CELSR1: variants seen among roughly 807,000 people sequenced by gnomAD.
CELSR1 encodes cadherin EGF LAG seven-pass G-type receptor 1.
In CELSR1, 110 loss-of-function variants were observed where a neutral mutation model predicts 249.1. The observed-to-expected ratio is 0.44, with a 90% CI of 0.38 to 0.52. CELSR1 has a LOEUF of 0.52. Among genes scored for constraint, CELSR1 ranks in the 20% least tolerant of loss-of-function variants. The pLI is 0.00. For synonymous variants in CELSR1, 2,113 were observed against 1,900.0 expected (o/e 1.11, Z -2.92); for missense variants, 4,109 against 4,296.4 (o/e 0.96, Z 1.22).
chr22:46,404,867 C>T (rs2079248617), intron 9 of CELSR1, among the ~76,000 whole-genome samples: 2 of 152,258 alleles, frequency 1.3e-5, no homozygotes, highest in East Asian at 3.9e-4. Flanking sequence ...TCTTGTTACC[C>T]AGGCTGGAGT....
At position 46,500,189 on chromosome 22, in the gene CELSR1, AG is replaced by A. The variant is rs1175636548; in HGVS notation, c.3544+33437del. On this transcript the variant is annotated intron_variant, in intron 1 of 34. Coordinates refer to ENST00000674500, the MANE Select transcript of CELSR1 (RefSeq NM_001378328.1). The surrounding 1 kb of genome is among the most constrained non-coding windows in gnomAD (Gnocchi z 4.9). ...GGTCCTCCCAGCATGATCCCACCCCAGCCCCTGGTCCTCCCAGCATTGCTCA... is the reference window on the plus strand; with the variant it reads ...GGTCCTCCCAGCATGATCCCACCCCACCCCTGGTCCTCCCAGCATTGCTCA... Among the ~76,000 whole-genome samples, 2 of 123,664 alleles carry A rather than the reference AG, an allele frequency of 1.6e-5. No individual in the cohort carries two copies. Among genetic ancestry groups the A allele is most frequent in the Non-Finnish European group, 3.3e-5 (2 of 59,824 alleles). The allele number at this position is 123,664 out of a possible 152,430, so 81.1% of individuals were successfully genotyped here.
At chr22:46,405,459 CAAAA>C (rs869105580) in intron 9 of CELSR1, among the ~76,000 whole-genome samples, 24 of 84,840 alleles carry the variant, frequency 2.8e-4, no homozygotes, top group African/African-American at 7.7e-4. Context: ...GACTCCGTCT[CAAAA>C]AAAAAAAAAA....
At chr22:46,475,065 A>G (rs2080194400) in intron 1 of CELSR1, among the ~76,000 whole-genome samples, 1 of 152,116 alleles carries the variant, frequency 6.6e-6, no homozygotes, top group South Asian at 2.1e-4. Flanking sequence ...ATCTTGCCGC[A>G]TTATTCTGTT....
chr22:46,537,456 C>T lies in CELSR1; in HGVS notation c.-286G>A, dbSNP rs1349676668. On this transcript the variant is annotated 5_prime_UTR_variant, in exon 1 of 35. Transcript: ENST00000674500. The surrounding 1 kb of genome is among the most constrained non-coding windows in gnomAD (Gnocchi z 5.8). The stretch of plus-strand genomic sequence containing the variant: ...GCCGCGCATCAACCTGCGGCGGCGG[C>T]GGCGGCTCCAGGCGGCTCCAGGTGG... 1.3e-5 allele frequency among the ~76,000 whole-genome samples: 2 copies of T among 149,548 alleles called. No homozygotes were observed. The highest frequency in any genetic ancestry group is 3.0e-5 in the Non-Finnish European group (2 of 67,196).
At chr22:46,365,564 T>TC (rs1390515851) in intron 31 of CELSR1, 22 bp downstream of exon 31, 1 of 1,568,172 alleles carries the variant, frequency 6.4e-7, no homozygotes, top group Admixed American at 1.9e-5. Context: ...CACGGGGTCC[T>TC]CCCCCTCCAG....
Position 46,391,326 on chromosome 22 carries a change from G to A in CELSR1, c.6149-39C>T, listed in dbSNP as rs559627168. ...GAGAGAAGTCTGCTCAGCGGGGCAC[G>A]CCACACCCACGACCACAAACAGGCA... On this transcript the variant is annotated intron_variant, in intron 15 of 34. Transcript: ENST00000674500. This position sits in a 1 kb window ranked among gnomAD's most constrained non-coding sequence, Gnocchi z 4.3. 1.8e-5 allele frequency: 28 copies of A among 1,568,338 alleles called. 1 individual carries two copies. In the South Asian group the frequency reaches 2.5e-4, roughly 14 times the overall value.
At chr22:46,460,601 G>A (rs1053799826) in intron 2 of CELSR1, among the ~76,000 whole-genome samples, 13 of 152,182 alleles carry the variant, frequency 8.5e-5, no homozygotes, top group East Asian at 3.9e-4. Flanking sequence ...GCTGAGAACC[G>A]AGGAACACCA....
chr22:46,508,543 G>A (rs1013113798), intron 1 of CELSR1, among the ~76,000 whole-genome samples: 5 of 150,988 alleles, frequency 3.3e-5, no homozygotes, highest in Admixed American at 2.0e-4. Flanking sequence ...CCACCAAAGG[G>A]CCTCACTTAC....
intron 2 of CELSR1, among the ~76,000 whole-genome samples, chr22:46,451,767 A>C (rs2079888025): frequency 6.6e-6 from 1 of 152,226 alleles, no homozygotes; most frequent in South Asian, 2.1e-4. Flanking sequence ...AATTCCTAAA[A>C]TCTGGGAATG....
rs1275815453 is a variant in CELSR1 at position 46,537,597 on chromosome 22, G to C, written c.-427C>G. ...CCGCGCCGCGCAGACCCCGGCGGCC[G>C]GCTGCTGCCTGGGCGGTGCGCTTGG... On this transcript the variant is annotated 5_prime_UTR_variant, in exon 1 of 35. Coordinates refer to ENST00000674500, the MANE Select transcript of CELSR1 (RefSeq NM_001378328.1). The surrounding 1 kb of genome is among the most constrained non-coding windows in gnomAD (Gnocchi z 5.8). Among the ~76,000 whole-genome samples the C allele has an allele frequency of 6.8e-6, 1 of 147,568 alleles. No homozygotes were observed. Among genetic ancestry groups the C allele is most frequent in the Non-Finnish European group, 1.5e-5 (1 of 66,248 alleles).
chr22:46,456,173 A>G (rs1277513140), intron 2 of CELSR1, among the ~76,000 whole-genome samples: 1 of 152,264 alleles, frequency 6.6e-6, no homozygotes, highest in Admixed American at 6.5e-5. Context: ...TTGGAAGTGA[A>G]GCTTTAATCC....
Position 46,449,455 on chromosome 22 carries a change from C to G in CELSR1, c.4184-10044G>C, listed in dbSNP as rs148030386. On this transcript the variant is annotated intron_variant, in intron 2 of 34. Transcript: ENST00000674500. ...GCCATCCATCCATCCAACCACCCAT[C>G]ATGCATCAACCCACCCACCCAACTA... Among the ~76,000 whole-genome samples the G allele has an allele frequency of 1.0e-3, 153 of 152,060 alleles. 1 individual carries two copies. The highest frequency in any genetic ancestry group is 3.6e-3 in the African/African-American group (148 of 41,488).
At chr22:46,485,981 A>T (rs1440811537) in intron 1 of CELSR1, among the ~76,000 whole-genome samples, 3 of 129,660 alleles carry the variant, frequency 2.3e-5, no homozygotes, top group Non-Finnish European at 4.6e-5. Flanking sequence ...TTTGTCGCCC[A>T]GGCCGGAGTG....
At chr22:46,466,906 G>A (rs960662106) in intron 1 of CELSR1, among the ~76,000 whole-genome samples, 2 of 152,200 alleles carry the variant, frequency 1.3e-5, no homozygotes, top group African/African-American at 4.8e-5. Context: ...GGAAGAGACA[G>A]CAGAGAGCTC....
Position 46,376,614 on chromosome 22 carries a change from C to T in CELSR1, c.7584+447G>A, listed in dbSNP as rs532944934. ...GGTCTTCCTGACCTCAAGTGATCTGCCTGCCTCAGCCTCCCAAAGGGATCC... is the reference window on the plus strand; with the variant it reads ...GGTCTTCCTGACCTCAAGTGATCTGTCTGCCTCAGCCTCCCAAAGGGATCC... On this transcript the variant is annotated intron_variant, in intron 24 of 34. Transcript: ENST00000674500. 5.9e-5 allele frequency among the ~76,000 whole-genome samples: 9 copies of T among 152,276 alleles called. No individual in the cohort carries two copies. The South Asian group carries it at 8.3e-4, about 14-fold the overall frequency.
rs562240681 is a variant in CELSR1 at position 46,384,777 on chromosome 22, G to A, written c.6740-91C>T. ...AAATGACCACAACTGTCACACTGAC[G>A]CTGGCTGGCCATATTTATTTATTTA... On this transcript the variant is annotated intron_variant, in intron 19 of 34. Transcript: ENST00000674500. The A allele has an allele frequency of 1.7e-5, 23 of 1,332,986 alleles. No individual in the cohort carries two copies. In the Admixed American group the frequency reaches 2.8e-4, roughly 16 times the overall value. The allele number at this position is 1,332,986 out of a possible 1,614,324, so 82.6% of individuals were successfully genotyped here.
intron 25 of CELSR1, 166 bp from the exon 26 acceptor site, chr22:46,369,970 C>G: frequency 1.5e-6 from 1 of 684,316 alleles, no homozygotes; most frequent in Non-Finnish European, 2.7e-6. Context: ...CAAGCACAGT[C>G]TCTCCGTGTA....
At chr22:46,452,404 G>A (rs1321273174) in intron 2 of CELSR1, among the ~76,000 whole-genome samples, 5 of 152,144 alleles carry the variant, frequency 3.3e-5, no homozygotes, top group Admixed American at 6.5e-5. Context: ...GAGTGGACTC[G>A]GGAAGTCCTG....
At chr22:46,416,845 A>C (rs1229931864) in intron 5 of CELSR1, among the ~76,000 whole-genome samples, 4 of 152,074 alleles carry the variant, frequency 2.6e-5, no homozygotes, top group Non-Finnish European at 4.4e-5. Context: ...CTGTGTGCGC[A>C]CAAAAGCATT....
Sources: gnomAD v4.1 joint callset for allele counts (sites outside exome capture counted in the v4.1 genomes callset) on GRCh38, gnomAD v4.1.1 for gene constraint, Gnocchi (gnomAD v3.1) non-coding constraint, MANE v1.5 for transcripts, NCBI Gene and HGNC (gene_info 2026-07-23, HGNC 2026-07-21) for gene names.